Variants in RFX3 observed in about 807,000 individuals in gnomAD.
RFX3 encodes the protein transcription factor RFX3.
In RFX3, 14 loss-of-function variants were observed where a neutral mutation model predicts 98.6. The ratio of observed to expected loss-of-function variants is 0.14; its 90% CI spans 0.09 to 0.22. RFX3 has a LOEUF of 0.22. RFX3 is among the 10% of genes least tolerant of loss of function. The pLI is 1.00. For missense variants in RFX3, 639 were observed against 926.9 expected (o/e 0.69, Z 4.03); for synonymous variants, 383 against 328.4 (o/e 1.17, Z -1.80).
chr9:3,357,314 A>G (rs893126394), intron 2 of RFX3, among the ~76,000 whole-genome samples: 1 of 151,952 alleles, frequency 6.6e-6, no homozygotes, highest in Non-Finnish European at 1.5e-5. Flanking sequence ...CATCGCTTAT[A>G]TTGTTTTCTC....
chr9:3,455,535 A>G (rs1369804127), intron 1 of RFX3, among the ~76,000 whole-genome samples: 1 of 152,226 alleles, frequency 6.6e-6, no homozygotes, highest in East Asian at 1.9e-4. Flanking sequence ...TCAGTGCCAT[A>G]AAGAGTAAAA....
At position 3,487,538 on chromosome 9, in the gene RFX3, C is replaced by T. The variant is rs201174570; in HGVS notation, c.-9+38209G>A. On this transcript the variant is annotated intron_variant, in intron 1 of 16. Coordinates refer to ENST00000617270, the MANE Select transcript of RFX3 (RefSeq NM_001282116.2). ...AGTGTAATTCTTATTTCTATATCCA[C>T]GATGCCATTAGAAAAAGCAGCATAT... Among the ~76,000 whole-genome samples, 23 of 152,184 alleles carry T rather than the reference C, an allele frequency of 1.5e-4. No homozygotes were observed. In the East Asian group the frequency reaches 3.7e-3, roughly 24 times the overall value.
chr9:3,467,129 A>ATATGTATATACATATATATTAT (rs1587769911), intron 1 of RFX3, among the ~76,000 whole-genome samples: 3 of 131,648 alleles, frequency 2.3e-5, no homozygotes, highest in South Asian at 2.3e-4. Flanking sequence ...CATATATGTA[A>ATATGTATATACATATATATTAT]GTATATATGT....
intron 1 of RFX3, among the ~76,000 whole-genome samples, chr9:3,414,994 A>C (rs1428103366): frequency 7.4e-6 from 1 of 135,462 alleles, no homozygotes; most frequent in Non-Finnish European, 1.5e-5. Context: ...ATACTCATAT[A>C]TATACTTATA....
chr9:3,308,313 T>C (rs1200969532), intron 4 of RFX3, among the ~76,000 whole-genome samples: 1 of 152,148 alleles, frequency 6.6e-6, no homozygotes, highest in Non-Finnish European at 1.5e-5. Context: ...CCATTGTTGG[T>C]TCTCAGCCAA....
intron 5 of RFX3, 58 bp downstream of exon 5, chr9:3,301,488 C>G: frequency 8.5e-7 from 1 of 1,179,164 alleles, no homozygotes; most frequent in Non-Finnish European, 1.2e-6. Flanking sequence ...CATTTAGAGG[C>G]AAGCAACACA....
intron 12 of RFX3, among the ~76,000 whole-genome samples, chr9:3,265,186 C>T (rs139927003): frequency 4.6e-5 from 7 of 152,218 alleles, no homozygotes; most frequent in East Asian, 1.9e-4. Flanking sequence ...CAAAATGTAG[C>T]GAGTATGACT....
chr9:3,468,470 A>C lies in RFX3; in HGVS notation c.-9+57277T>G, dbSNP rs925094428. 1.3e-5 allele frequency among the ~76,000 whole-genome samples: 2 copies of C among 152,288 alleles called. 1 individual carries two copies. The highest frequency in any genetic ancestry group is 4.1e-4 in the South Asian group (2 of 4,830). On this transcript the variant is annotated intron_variant, in intron 1 of 16. Coordinates refer to ENST00000617270, the MANE Select transcript of RFX3 (RefSeq NM_001282116.2). ...ATGTATCTGGCCCTTTTTGAGCTCC[A>C]CAACACTGCTATTTCTTGTAGAGAG...
chr9:3,525,330 G>C (rs777676227), intron 1 of RFX3, among the ~76,000 whole-genome samples: 3 of 152,296 alleles, frequency 2.0e-5, no homozygotes, highest in Admixed American at 1.3e-4. Context: ...CGTTGGAAAA[G>C]AAGAAAATTA....
At chr9:3,336,935 T>A (rs1003340842) in intron 3 of RFX3, among the ~76,000 whole-genome samples, 2 of 152,234 alleles carry the variant, frequency 1.3e-5, no homozygotes, top group Non-Finnish European at 2.9e-5. Context: ...TGCCTGGGTA[T>A]GTATGTGTGT....
intron 3 of RFX3, among the ~76,000 whole-genome samples, chr9:3,342,617 T>G (rs1231276777): frequency 6.6e-6 from 1 of 151,540 alleles, no homozygotes; most frequent in African/African-American, 2.4e-5. Context: ...TAGGAGCGAG[T>G]GGGGGAAGTA....
At chr9:3,466,346 G>A (rs1259684724) in intron 1 of RFX3, among the ~76,000 whole-genome samples, 1 of 151,972 alleles carries the variant, frequency 6.6e-6, no homozygotes, top group Non-Finnish European at 1.5e-5. Context: ...TTGCTCTACT[G>A]GCTATATCCT....
chr9:3,489,779 C>T (rs1305455379), intron 1 of RFX3, among the ~76,000 whole-genome samples: 5 of 152,090 alleles, frequency 3.3e-5, no homozygotes, highest in African/African-American at 1.2e-4. Flanking sequence ...ACCTATGAGT[C>T]TCATATTTGT....
intron 1 of RFX3, among the ~76,000 whole-genome samples, chr9:3,457,139 C>CAAAAAAAAAA (rs1169959832): frequency 9.6e-4 from 22 of 22,814 alleles, no homozygotes; most frequent in Non-Finnish European, 1.1e-3. Flanking sequence ...GACTCCATCT[C>CAAAAAAAAAA]AAAAAAAAAA....
chr9:3,469,110 C>A, intron 1 of RFX3: 3 of 427,150 alleles, frequency 7.0e-6, no homozygotes, highest in Non-Finnish European at 9.5e-6. Flanking sequence ...TACAATGAAA[C>A]TATGTTACAG....
chr9:3,511,480 T>A (rs764355887), intron 1 of RFX3, among the ~76,000 whole-genome samples: 1 of 151,978 alleles, frequency 6.6e-6, no homozygotes, highest in Admixed American at 6.6e-5. Context: ...CCACAAAATA[T>A]TAAACTGCTT....
intron 2 of RFX3, among the ~76,000 whole-genome samples, chr9:3,392,697 G>C (rs1315706508): frequency 6.6e-6 from 1 of 151,740 alleles, no homozygotes; most frequent in Non-Finnish European, 1.5e-5. Flanking sequence ...CATAAAACTG[G>C]AATTTCAAAT....
intron 2 of RFX3, among the ~76,000 whole-genome samples, chr9:3,376,836 T>C (rs1838577255): frequency 6.6e-6 from 1 of 152,028 alleles, no homozygotes; most frequent in African/African-American, 2.4e-5. Context: ...AACAGACACA[T>C]GAAAAAATGC....
intron 2 of RFX3, among the ~76,000 whole-genome samples, chr9:3,392,219 T>A (rs71506638): frequency 4.0e-5 from 6 of 151,856 alleles, no homozygotes; most frequent in African/African-American, 1.5e-4. Context: ...CCACAGATTG[T>A]CAGACATCAG....
Sources: gnomAD v4.1 joint callset for allele counts (sites outside exome capture counted in the v4.1 genomes callset) on GRCh38, gnomAD v4.1.1 for gene constraint, MANE v1.5 for transcripts, NCBI Gene and HGNC (gene_info 2026-07-23, HGNC 2026-07-21) for gene names.